The following FLI1 variants were observed in gnomAD, a reference collection of about 807,000 sequenced individuals.
FLI1 encodes the protein Friend leukemia integration 1 transcription factor.
In FLI1, 13 loss-of-function variants were observed where a neutral mutation model predicts 53.1. The ratio of observed to expected loss-of-function variants is 0.24; its 90% CI spans 0.16 to 0.39. The LOEUF (loss-of-function observed/expected upper bound fraction) is 0.39. Among genes scored for constraint, FLI1 ranks in the 10% least tolerant of loss-of-function variants. The pLI is 1.00. For synonymous variants in FLI1, 244 were observed against 236.7 expected (o/e 1.03, Z -0.28); for missense variants, 424 against 600.5 (o/e 0.71, Z 3.07).
Position 128,686,992 on chromosome 11 carries a change from C to G in FLI1, c.-203+291C>G, listed in dbSNP as rs550315655. 8.7e-5 allele frequency: 14 copies of G among 160,364 alleles called. No homozygotes were observed. The South Asian group carries it at 2.3e-3, about 26-fold the overall frequency. 9.9% of individuals were successfully genotyped at this position (160,364 alleles called of 1,614,324 possible). A position where few individuals can be genotyped will look rare whatever the true frequency, so the allele number is the denominator to read the frequency against. On this transcript the variant is annotated intron_variant, in intron 1 of 6. Transcript: ENST00000344954. Reference sequence around the variant, plus strand: ...GACCGAGCAGCTCGCCGCGTCAGGTCCCAACGGGTGGGGTGCTCTGAGCGG... The same window carrying G: ...GACCGAGCAGCTCGCCGCGTCAGGTGCCAACGGGTGGGGTGCTCTGAGCGG...
intron 1 of FLI1, among the ~76,000 whole-genome samples, chr11:128,724,399 C>A (rs540698424): frequency 6.6e-6 from 1 of 152,108 alleles, no homozygotes; most frequent in Non-Finnish European, 1.5e-5. Flanking sequence ...ACAGGTGAGG[C>A]CTGACCCCAG....
upstream of FLI1, among the ~76,000 whole-genome samples, chr11:128,690,299 A>T (rs989435154): frequency 1.3e-5 from 2 of 151,808 alleles, no homozygotes; most frequent in African/African-American, 4.8e-5. Context: ...GCTGGACCAG[A>T]GGGGCATGGG....
At chr11:128,731,067 A>G (rs1939676827) in intron 1 of FLI1, among the ~76,000 whole-genome samples, 1 of 152,260 alleles carries the variant, frequency 6.6e-6, no homozygotes, top group Non-Finnish European at 1.5e-5. Context: ...AGAAGTTCAT[A>G]ATAATCTGTG....
intron 1 of FLI1, among the ~76,000 whole-genome samples, chr11:128,757,712 C>A (rs1317090425): frequency 6.6e-6 from 1 of 152,150 alleles, no homozygotes; most frequent in African/African-American, 2.4e-5. Context: ...GCTGATGACT[C>A]CACTCAGCTC....
chr11:128,797,829 T>G (rs1039037278), intron 5 of FLI1, among the ~76,000 whole-genome samples: 2 of 152,064 alleles, frequency 1.3e-5, no homozygotes, highest in South Asian at 4.1e-4. Context: ...CTAAAGATGA[T>G]CACCTAGCGA....
intron 1 of FLI1, among the ~76,000 whole-genome samples, chr11:128,732,798 T>A (rs73015325): frequency 0.012 from 1,831 of 152,290 alleles, 12 homozygotes; most frequent in Non-Finnish European, 0.018. Context: ...AAAAAGTAAA[T>A]GATCTCTTGG....
At chr11:128,781,705 C>T (rs950325977) in intron 4 of FLI1, among the ~76,000 whole-genome samples, 7 of 152,102 alleles carry the variant, frequency 4.6e-5, no homozygotes, top group South Asian at 2.1e-4. Flanking sequence ...GCTTAGGGGG[C>T]GTGGTGTTTG....
chr11:128,752,146 T>C (rs1226114074), intron 1 of FLI1, among the ~76,000 whole-genome samples: 2 of 152,006 alleles, frequency 1.3e-5, no homozygotes, highest in African/African-American at 4.8e-5. Flanking sequence ...TGGCTGAGTT[T>C]TGTATTTTTA....
intron 1 of FLI1, among the ~76,000 whole-genome samples, chr11:128,728,274 G>A (rs564904239): frequency 2.0e-5 from 3 of 152,386 alleles, no homozygotes; most frequent in Non-Finnish European, 4.4e-5. Flanking sequence ...AGGCAGCAGG[G>A]AGGGTCTGGC....
chr11:128,701,139 T>C (rs908020626), intron 1 of FLI1, among the ~76,000 whole-genome samples: 8 of 152,134 alleles, frequency 5.3e-5, no homozygotes, highest in Admixed American at 5.2e-4. Flanking sequence ...GTTGATTAAA[T>C]ATGGCATTAG....
chr11:128,730,570 T>C (rs1344677018), intron 1 of FLI1, among the ~76,000 whole-genome samples: 1 of 152,244 alleles, frequency 6.6e-6, no homozygotes, highest in African/African-American at 2.4e-5. Flanking sequence ...CATTTCTTTT[T>C]GAAGGCTTCC....
intron 3 of FLI1, among the ~76,000 whole-genome samples, chr11:128,772,019 ACAT>A (rs1300330563): frequency 1.4e-5 from 2 of 148,138 alleles, no homozygotes; most frequent in Non-Finnish European, 3.0e-5. Context: ...TGAAAGTGCA[ACAT>A]CCCCACCACA....
intron 1 of FLI1, among the ~76,000 whole-genome samples, chr11:128,727,481 G>A (rs368944876): frequency 2.6e-5 from 4 of 152,202 alleles, no homozygotes; most frequent in Middle Eastern, 3.2e-3. Flanking sequence ...CAACCTTTCC[G>A]TGAGATGCAG....
chr11:128,782,676 C>T (rs1941954475), intron 5 of FLI1, among the ~76,000 whole-genome samples: 2 of 152,198 alleles, frequency 1.3e-5, no homozygotes, highest in East Asian at 1.9e-4. Flanking sequence ...CCAGCCTGGG[C>T]GACAGAGCAA....
intron 2 of FLI1, among the ~76,000 whole-genome samples, chr11:128,766,808 C>G (rs1409754780): frequency 6.6e-6 from 1 of 151,956 alleles, no homozygotes; most frequent in African/African-American, 2.4e-5. Flanking sequence ...AGAGGTTATG[C>G]GGCCTAGAGT....
intron 1 of FLI1, among the ~76,000 whole-genome samples, chr11:128,710,621 A>G (rs954795389): frequency 1.3e-5 from 2 of 152,228 alleles, no homozygotes; most frequent in African/African-American, 4.8e-5. Context: ...TATATTTCAA[A>G]TTATGAAGAA....
intron 1 of FLI1, among the ~76,000 whole-genome samples, chr11:128,724,007 A>G (rs1214322062): frequency 1.5e-5 from 2 of 129,238 alleles, no homozygotes; most frequent in Admixed American, 2.0e-4. Context: ...TAGTGGCGCC[A>G]TCTGGGCTCA....
At chr11:128,765,410 T>TA (rs1275765125) in intron 2 of FLI1, among the ~76,000 whole-genome samples, 1 of 152,238 alleles carries the variant, frequency 6.6e-6, no homozygotes, top group East Asian at 1.9e-4. Context: ...GGTCAGTTTT[T>TA]AACTCAGAAA....
intron 5 of FLI1, among the ~76,000 whole-genome samples, chr11:128,797,786 G>A (rs1380444126): frequency 2.0e-5 from 3 of 152,136 alleles, no homozygotes; most frequent in Admixed American, 6.5e-5. Flanking sequence ...ATTTTTGAGA[G>A]AAACAAAGGT....
Sources: allele counts gnomAD v4.1 joint callset (sites outside exome capture counted in the v4.1 genomes callset), GRCh38; gene constraint gnomAD v4.1.1; transcripts MANE v1.5; gene names NCBI Gene and HGNC (gene_info 2026-07-23, HGNC 2026-07-21).